Variants in ORC1 observed in about 807,000 individuals in gnomAD.
ORC1 encodes origin recognition complex subunit 1.
In ORC1, 61 loss-of-function variants were observed where a neutral mutation model predicts 98.9. That is an observed-to-expected ratio of 0.62 (90% confidence interval 0.50 to 0.76). The LOEUF (loss-of-function observed/expected upper bound fraction) is 0.76, where lower values mean the gene tolerates loss of function less well. Among genes scored for constraint, ORC1 ranks in the 30% least tolerant of loss-of-function variants. The pLI is 0.00. For synonymous variants in ORC1, 385 were observed against 406.9 expected (o/e 0.95, Z 0.65); for missense variants, 979 against 1,072.2 (o/e 0.91, Z 1.21).
At chr1:52,376,833 C>A (rs949415046) in intron 14 of ORC1, among the ~76,000 whole-genome samples, 1 of 152,192 alleles carries the variant, frequency 6.6e-6, no homozygotes, top group South Asian at 2.1e-4. Flanking sequence ...AAGGGAGACA[C>A]AAGAAGAAGC....
chr1:52,380,478 C>T, intron 14 of ORC1, among the ~76,000 whole-genome samples: 1 of 152,102 alleles, frequency 6.6e-6, no homozygotes, highest in East Asian at 1.9e-4. Flanking sequence ...GGTGGATCAC[C>T]TGAGGTCAGG....
At chr1:52,380,750 C>G (rs996894642) in intron 14 of ORC1, among the ~76,000 whole-genome samples, 4 of 151,686 alleles carry the variant, frequency 2.6e-5, no homozygotes, top group Non-Finnish European at 4.4e-5. Context: ...AAGAAAAAGC[C>G]TCTTAGATAG....
intron 10 of ORC1, 48 bp downstream of exon 10, chr1:52,385,113 G>C: frequency 8.7e-7 from 1 of 1,149,202 alleles, no homozygotes; most frequent in Non-Finnish European, 1.3e-6. Flanking sequence ...CATTCCACTA[G>C]CAGGGGCCTT....
In ORC1 at chr1:52,373,190, T is replaced by A; in HGVS notation, c.2577A>T (p.Lys859Asn). The change falls in exon 17 of 17, where the codon AAA (lysine) becomes AAT (asparagine). Residue 859 changes from lysine to asparagine, a missense_variant. Transcript: ENST00000371568. Reference sequence around the variant, plus strand: ...AACTTGTGAAGCCCCTTTACTCGTCTTTCAGCGCATACAGCACATCATCCT... The same window carrying A: ...AACTTGTGAAGCCCCTTTACTCGTCATTCAGCGCATACAGCACATCATCCT... Reference protein sequence around the residue: ...VSQDDVLYALKDE With the variant: ...VSQDDVLYALNDE 6.2e-7 allele frequency: 1 copy of A among 1,614,158 alleles called. No individual in the cohort carries two copies. Among genetic ancestry groups the A allele is most frequent in the African/African-American group, 1.3e-5 (1 of 75,062 alleles).
intron 13 of ORC1, among the ~76,000 whole-genome samples, chr1:52,381,983 C>CT (rs771637555): frequency 1.5e-3 from 228 of 151,454 alleles, no homozygotes; most frequent in Middle Eastern, 3.4e-3. Flanking sequence ...ACCTTTGATT[C>CT]TTTTTTTTTC....
At chr1:52,403,662 C>T (rs1029591043) in intron 1 of ORC1, among the ~76,000 whole-genome samples, 1 of 152,092 alleles carries the variant, frequency 6.6e-6, no homozygotes, top group Non-Finnish European at 1.5e-5. Flanking sequence ...CTCTTCAATT[C>T]CGGGGTTAGA....
intron 1 of ORC1, among the ~76,000 whole-genome samples, chr1:52,402,452 G>A (rs1647757872): frequency 6.6e-6 from 1 of 152,184 alleles, no homozygotes; most frequent in Admixed American, 6.5e-5. Context: ...CTTGTACTAT[G>A]CCGTATCTCT....
chr1:52,378,123 G>A (rs183994400), intron 14 of ORC1, among the ~76,000 whole-genome samples: 192 of 152,284 alleles, frequency 1.3e-3, no homozygotes, highest in African/African-American at 4.2e-3. Flanking sequence ...GCAGCAGGCA[G>A]ATCACGAGGT....
intron 12 of ORC1, 106 bp downstream of exon 12, chr1:52,383,724 G>T: frequency 1.6e-6 from 2 of 1,271,800 alleles, no homozygotes; most frequent in Non-Finnish European, 2.3e-6. Context: ...CAGAAAATGG[G>T]CTCATATGAA....
rs756984756 is a variant in ORC1 at position 52,383,416 on chromosome 1, C to G, written c.2013+4G>C. ...AACAGCATGGGAACTGCCCTAGAAC[C>G]TACCAGTCGGCTGGACACCCGGTTC... On this transcript the variant is annotated splice_donor_region_variant and intron_variant, in intron 13 of 16. Coordinates refer to ENST00000371568, the MANE Select transcript of ORC1 (RefSeq NM_004153.4). 30 of 1,612,252 alleles carry G rather than the reference C, an allele frequency of 1.9e-5. No individual in the cohort carries two copies. The highest frequency in any genetic ancestry group is 6.7e-5 in the Admixed American group (4 of 60,000).
rs3087473 is a variant in ORC1 at position 52,402,167 on chromosome 1, C to G, written c.57G>C (p.Arg19Ser). 6.8e-3 allele frequency: 10,920 copies of G among 1,614,162 alleles called. 42 individuals carry two copies. Among genetic ancestry groups the G allele is most frequent in the Non-Finnish European group, 8.6e-3 (10,114 of 1,179,998 alleles). Reference sequence around the variant, plus strand: ...AGTGCAGTTTTCGATCCAACAAGGGCCTGCCAACCCATGAATAAGTTTTTC... The same window carrying G: ...AGTGCAGTTTTCGATCCAACAAGGGGCTGCCAACCCATGAATAAGTTTTTC... Reference protein sequence around the residue: ...KTRKTYSWVGRPLLDRKLHYQ... With the variant: ...KTRKTYSWVGSPLLDRKLHYQ... Residue 19 changes from arginine (R) to serine (S), a missense_variant, in exon 2 of 17, where the codon AGG (arginine) becomes AGC (serine). Transcript: ENST00000371568.
In ORC1 at chr1:52,373,118, C is replaced by T; in HGVS notation, c.*63G>A. Reference sequence around the variant, plus strand: ...CTGCACTCCAGCCTGGGCGACAGAGCAAGACCCTGTCTCAAAAAACAAAAC... The same window carrying T: ...CTGCACTCCAGCCTGGGCGACAGAGTAAGACCCTGTCTCAAAAAACAAAAC... On this transcript the variant is annotated 3_prime_UTR_variant, in exon 17 of 17. Transcript: ENST00000371568. 1 of 1,524,266 alleles carries T rather than the reference C, an allele frequency of 6.6e-7. No individual in the cohort carries two copies. The allele number at this position is 1,524,266 out of a possible 1,614,324, so 94.4% of individuals were successfully genotyped here.
chr1:52,379,830 G>C (rs1647038532), intron 14 of ORC1, among the ~76,000 whole-genome samples: 1 of 152,074 alleles, frequency 6.6e-6, no homozygotes, highest in Non-Finnish European at 1.5e-5. Flanking sequence ...CTACTTGGGA[G>C]GCTGAGGCAG....
intron 14 of ORC1, among the ~76,000 whole-genome samples, chr1:52,377,949 C>T (rs764929514): frequency 6.6e-6 from 1 of 152,102 alleles, no homozygotes; most frequent in African/African-American, 2.4e-5. Context: ...AAAACAGATT[C>T]GCTTCGTCAT....
chr1:52,388,547 A>C lies in ORC1; in HGVS notation c.1278T>G (p.Ala426=), dbSNP rs369762779. The C allele has an allele frequency of 6.2e-6, 10 of 1,613,900 alleles. No homozygotes were observed. The Admixed American group carries it at 1.5e-4, about 24-fold the overall frequency. ...CTCTCCTTGGAAGGGGCGGTGTGGA[A>C]GCCTCTTCTTCGTCACTGCTAGAGT... is the stretch of plus-strand genomic sequence containing the variant. The part of the protein sequence containing the change: ...ISDSSSDEEE[A]STPPLPRRAP... Residue 426 remains alanine (A), a synonymous_variant, in exon 8 of 17, where the codon GCT becomes GCG. Transcript: ENST00000371568.
intron 15 of ORC1, 73 bp from the exon 16 acceptor site, chr1:52,374,970 C>G (rs1646975465): frequency 1.1e-6 from 1 of 914,850 alleles, no homozygotes; most frequent in Non-Finnish European, 1.8e-6. Flanking sequence ...CCAAAGAAAA[C>G]TTTTCTGTGT....
chr1:52,383,567 G>C lies in ORC1; in HGVS notation c.1866C>G (p.Leu622=). Residue 622 remains leucine (L), a splice_region_variant and synonymous_variant, in exon 13 of 17, where the codon CTC becomes CTG. Transcript: ENST00000371568. ...QETTVLLVDE[L]DLLWTHKQDI... ...CTTGTTTGTGAGTCCACAGAAGGTC[G>C]AGCTGCCAGGGCAAAGGAGAGAGGT... 1 of 1,613,998 alleles carries C rather than the reference G, an allele frequency of 6.2e-7. No individual in the cohort carries two copies. Among genetic ancestry groups the C allele is most frequent in the South Asian group, 1.1e-5 (1 of 91,058 alleles).
intron 3 of ORC1, 143 bp from the exon 4 acceptor site, chr1:52,398,006 C>G: frequency 1.3e-6 from 1 of 772,074 alleles, no homozygotes. Flanking sequence ...CTCTGTCACC[C>G]AGGCTGGAGT....
intron 8 of ORC1, among the ~76,000 whole-genome samples, chr1:52,387,846 T>C (rs530658060): frequency 6.6e-6 from 1 of 152,340 alleles, no homozygotes; most frequent in South Asian, 2.1e-4. Context: ...TAATTAAGAT[T>C]TCTCAACTGT....
Sources: gnomAD v4.1 joint callset for allele counts (sites outside exome capture counted in the v4.1 genomes callset) on GRCh38, gnomAD v4.1.1 for gene constraint, MANE v1.5 for transcripts, NCBI Gene and HGNC (gene_info 2026-07-23, HGNC 2026-07-21) for gene names.